Variants in PTPRT observed in about 807,000 individuals in gnomAD.
PTPRT encodes protein tyrosine phosphatase receptor type T, also known as receptor-type tyrosine-protein phosphatase T.
A neutral mutation model predicts 176.8 loss-of-function variants in PTPRT; 56 were observed. The ratio of observed to expected loss-of-function variants is 0.32; its 90% CI spans 0.26 to 0.40. PTPRT has a LOEUF of 0.40. Ranked by LOEUF, PTPRT falls within the 10% of genes least tolerant of loss-of-function variation. PTPRT has a pLI of 1.00. For synonymous variants in PTPRT, 783 were observed against 739.0 expected (o/e 1.06, Z -0.96); for missense variants, 1,540 against 1,908.2 (o/e 0.81, Z 3.60).
At chr20:42,815,923 G>C (rs2077776146) in intron 2 of PTPRT, among the ~76,000 whole-genome samples, 1 of 152,194 alleles carries the variant, frequency 6.6e-6, no homozygotes, top group Non-Finnish European at 1.5e-5. Context: ...GAAATTATAT[G>C]AGAATGTAGT....
chr20:42,184,540 C>CTTATT (rs879588603), intron 16 of PTPRT, among the ~76,000 whole-genome samples: 1 of 113,180 alleles, frequency 8.8e-6, no homozygotes, highest in Non-Finnish European at 1.8e-5. Context: ...TCTTCCTCTT[C>CTTATT]CTCTTCTTCT....
At chr20:42,627,014 G>T (rs17810257) in intron 7 of PTPRT, among the ~76,000 whole-genome samples, 34,747 of 151,576 alleles carry the variant, frequency 0.23, 4,347 homozygotes, top group Non-Finnish European at 0.29. Flanking sequence ...CTCCTGTAAA[G>T]GGTCATCAAT....
intron 2 of PTPRT, among the ~76,000 whole-genome samples, chr20:42,877,894 C>A (rs1600507864): frequency 6.6e-6 from 1 of 152,158 alleles, no homozygotes; most frequent in East Asian, 1.9e-4. Context: ...GAACAAGGTG[C>A]AATCAGGGGA....
chr20:42,406,353 A>G (rs1225392218), intron 9 of PTPRT, among the ~76,000 whole-genome samples: 2 of 152,066 alleles, frequency 1.3e-5, no homozygotes, highest in Non-Finnish European at 2.9e-5. Flanking sequence ...TGGTATAACC[A>G]TAAATAGACA....
rs1983367158 is a variant in PTPRT, at chr20:42,081,941, CAAT to C, written c.4210_4212del (p.Ile1404del). ...AGTGTTTTCACGATGTGGAACACGT[CAAT>C]GATGTTTTGCTGCTGGATCATCTCA... On this transcript the variant is annotated inframe_deletion, in exon 30 of 31. Coordinates refer to ENST00000373187, the MANE Select transcript of PTPRT (RefSeq NM_007050.6). The C allele has an allele frequency of 6.2e-7, 1 of 1,614,100 alleles. No individual in the cohort carries two copies. Among genetic ancestry groups the C allele is most frequent in the African/African-American group, 1.3e-5 (1 of 74,932 alleles).
chr20:43,088,430 G>A (rs1182021855), intron 1 of PTPRT, among the ~76,000 whole-genome samples: 5 of 151,016 alleles, frequency 3.3e-5, no homozygotes, highest in Admixed American at 6.6e-5. Context: ...CAACATCATC[G>A]TGAATCCACT....
chr20:42,588,964 A>G (rs1170871071), intron 7 of PTPRT, among the ~76,000 whole-genome samples: 1 of 152,234 alleles, frequency 6.6e-6, no homozygotes, highest in Admixed American at 6.5e-5. Flanking sequence ...GAGCCAGTAA[A>G]AGGCAGAAAT....
At chr20:42,311,582 A>G (rs1465657772) in intron 12 of PTPRT, among the ~76,000 whole-genome samples, 1 of 152,140 alleles carries the variant, frequency 6.6e-6, no homozygotes. Flanking sequence ...ACTCTATCTC[A>G]TCCTTTGTCT....
chr20:43,121,380 G>A (rs937689305), intron 1 of PTPRT, among the ~76,000 whole-genome samples: 6 of 152,166 alleles, frequency 3.9e-5, no homozygotes, highest in Admixed American at 1.3e-4. Context: ...ATGAGATAAT[G>A]CTTCATAAAT....
intron 1 of PTPRT, among the ~76,000 whole-genome samples, chr20:43,084,724 GA>G (rs918489012): frequency 1.3e-5 from 2 of 151,542 alleles, no homozygotes; most frequent in African/African-American, 4.8e-5. Context: ...TTTATAATCA[GA>G]AAAAAATAAG....
intron 15 of PTPRT, among the ~76,000 whole-genome samples, chr20:42,209,456 A>G (rs1325881008): frequency 1.3e-5 from 2 of 152,118 alleles, no homozygotes; most frequent in African/African-American, 4.8e-5. Flanking sequence ...AAAAAATGAT[A>G]AAGGGGATAT....
chr20:42,961,602 G>A (rs1252985593), intron 1 of PTPRT, among the ~76,000 whole-genome samples: 1 of 152,180 alleles, frequency 6.6e-6, no homozygotes, highest in Non-Finnish European at 1.5e-5. Context: ...GGGCAGGGGA[G>A]AGGAAAAGAA....
At chr20:42,874,357 C>T (rs1354664382) in intron 2 of PTPRT, among the ~76,000 whole-genome samples, 1 of 151,988 alleles carries the variant, frequency 6.6e-6, no homozygotes, top group Non-Finnish European at 1.5e-5. Context: ...CAGACTTAGA[C>T]AATTCAACAA....
chr20:42,818,711 C>T (rs757876795), intron 2 of PTPRT, among the ~76,000 whole-genome samples: 1 of 152,096 alleles, frequency 6.6e-6, no homozygotes, highest in Non-Finnish European at 1.5e-5. Context: ...CATAAATTAC[C>T]TGATGGAGCT....
chr20:42,702,606 C>A (rs556271079), intron 6 of PTPRT, among the ~76,000 whole-genome samples: 15 of 152,312 alleles, frequency 9.8e-5, no homozygotes, highest in African/African-American at 3.1e-4. Context: ...GGCCGTCCAG[C>A]ACCCCTGGGA....
chr20:43,075,632 G>A (rs746659721), intron 1 of PTPRT, among the ~76,000 whole-genome samples: 1 of 152,326 alleles, frequency 6.6e-6, no homozygotes, highest in Non-Finnish European at 1.5e-5. Flanking sequence ...GGTAAAAGCA[G>A]AATAAATCTT....
At chr20:42,257,699 C>T (rs1039557751) in intron 13 of PTPRT, among the ~76,000 whole-genome samples, 2 of 140,970 alleles carry the variant, frequency 1.4e-5, no homozygotes, top group African/African-American at 2.6e-5. Flanking sequence ...ATGTAAGATG[C>T]CTGCTGCCCC....
chr20:42,928,633 G>T (rs1429209450), intron 1 of PTPRT, among the ~76,000 whole-genome samples: 2 of 152,044 alleles, frequency 1.3e-5, no homozygotes, highest in Admixed American at 1.3e-4. Context: ...TCCAAGAAGG[G>T]GTCAAAAAGA....
chr20:42,233,733 G>A (rs770254592), intron 15 of PTPRT, among the ~76,000 whole-genome samples: 6 of 152,112 alleles, frequency 3.9e-5, no homozygotes, highest in South Asian at 2.1e-4. Flanking sequence ...ATATATGACC[G>A]TCATGGGGGC....
Sources: gnomAD v4.1 joint callset for allele counts (sites outside exome capture counted in the v4.1 genomes callset) on GRCh38, gnomAD v4.1.1 for gene constraint, MANE v1.5 for transcripts, NCBI Gene and HGNC (gene_info 2026-07-23, HGNC 2026-07-21) for gene names.